FSHR: variants seen among roughly 807,000 people sequenced by gnomAD.
FSHR encodes the protein follicle-stimulating hormone receptor.
FSHR carries 46 observed loss-of-function variants against 52.1 expected under a neutral mutation model. The observed-to-expected ratio is 0.88, with a 90% CI of 0.70 to 1.13. The LOEUF is 1.13. Ranked by LOEUF, FSHR falls within the 50% of genes most tolerant of loss-of-function variation. The pLI is 0.00. For synonymous variants in FSHR, 399 were observed against 309.6 expected, an observed-to-expected ratio of 1.29 and a Z score of -3.03; for missense variants, 964 against 834.6, an observed-to-expected ratio of 1.16 and a Z score of -1.91.
At chr2:49,119,418 T>A (rs1446017775) in intron 1 of FSHR, among the ~76,000 whole-genome samples, 1 of 152,144 alleles carries the variant, frequency 6.6e-6, no homozygotes, top group Admixed American at 6.5e-5. Context: ...TTCATCCTAG[T>A]CATTTTTTCC....
chr2:49,135,031 AATGTGCAC>A (rs1309540861), intron 1 of FSHR, among the ~76,000 whole-genome samples: 3 of 152,270 alleles, frequency 2.0e-5, no homozygotes, highest in African/African-American at 4.8e-5. Context: ...TAACCTGCAC[AATGTGCAC>A]ATGTACCCTA....
chr2:49,038,396 C>T (rs1445427314), intron 2 of FSHR, among the ~76,000 whole-genome samples: 8 of 151,736 alleles, frequency 5.3e-5, no homozygotes, highest in East Asian at 1.9e-4. Context: ...CCAAGGCGGG[C>T]GGATCACGAG....
chr2:48,985,094 T>C (rs1331958649), intron 6 of FSHR, among the ~76,000 whole-genome samples: 2 of 135,912 alleles, frequency 1.5e-5, no homozygotes, highest in Non-Finnish European at 3.2e-5. Context: ...GAAGTACCTA[T>C]TTGAAAACCA....
chr2:49,127,751 T>TTTC (rs1345639633), intron 1 of FSHR, among the ~76,000 whole-genome samples: 887 of 77,322 alleles, frequency 0.011, 34 homozygotes, highest in East Asian at 0.014. Flanking sequence ...CTTCTTCTTC[T>TTTC]TTCTTCTTCT....
intron 1 of FSHR, among the ~76,000 whole-genome samples, chr2:49,074,058 A>G (rs1669856391): frequency 6.6e-6 from 1 of 152,078 alleles, no homozygotes; most frequent in Non-Finnish European, 1.5e-5. Flanking sequence ...TCAGAGACCT[A>G]AATATAAGAC....
chr2:49,088,889 C>A (rs1370268596), intron 1 of FSHR, among the ~76,000 whole-genome samples: 1 of 152,158 alleles, frequency 6.6e-6, no homozygotes, highest in Non-Finnish European at 1.5e-5. Context: ...AAACTAATTT[C>A]TGTATTCTAT....
chr2:49,130,878 C>G (rs1427397845), intron 1 of FSHR, among the ~76,000 whole-genome samples: 1 of 152,114 alleles, frequency 6.6e-6, no homozygotes. Context: ...TAGGTAAAAA[C>G]AAGAAGGGGG....
chr2:48,968,453 T>A (rs752352164), intron 9 of FSHR, among the ~76,000 whole-genome samples: 2 of 152,204 alleles, frequency 1.3e-5, no homozygotes, highest in African/African-American at 2.4e-5. Flanking sequence ...GTTTTCTCAT[T>A]TAGTACTTGG....
chr2:49,131,017 A>G (rs1307513766), intron 1 of FSHR, among the ~76,000 whole-genome samples: 1 of 152,214 alleles, frequency 6.6e-6, no homozygotes, highest in Non-Finnish European at 1.5e-5. Flanking sequence ...TACTTATACC[A>G]TAATGATTAT....
chr2:48,980,175 G>T (rs1675183228), intron 8 of FSHR, among the ~76,000 whole-genome samples: 1 of 152,232 alleles, frequency 6.6e-6, no homozygotes, highest in Admixed American at 6.5e-5. Flanking sequence ...GGGAAAAGAG[G>T]AAATTCGCAA....
intron 1 of FSHR, among the ~76,000 whole-genome samples, chr2:49,082,607 AG>A (rs1670218026): frequency 6.6e-6 from 1 of 152,212 alleles, no homozygotes; most frequent in Non-Finnish European, 1.5e-5. Flanking sequence ...AAAAAAATTT[AG>A]AAGAATGTAT....
At chr2:48,974,152 G>T (rs559346564) in intron 8 of FSHR, among the ~76,000 whole-genome samples, 1 of 152,152 alleles carries the variant, frequency 6.6e-6, no homozygotes, top group Admixed American at 6.5e-5. Context: ...GGAAAATGGT[G>T]CTTCTGCAGC....
intron 1 of FSHR, among the ~76,000 whole-genome samples, chr2:49,135,673 C>G (rs546208304): frequency 6.6e-6 from 1 of 152,082 alleles, no homozygotes; most frequent in Non-Finnish European, 1.5e-5. Context: ...AAAAAATTCA[C>G]GCATAACTTC....
intron 1 of FSHR, among the ~76,000 whole-genome samples, chr2:49,140,791 ATT>A (rs796404361): frequency 6.6e-6 from 1 of 151,572 alleles, no homozygotes; most frequent in African/African-American, 2.4e-5. Flanking sequence ...TAGATCAATA[ATT>A]TTTTTTTCCT....
intron 8 of FSHR, among the ~76,000 whole-genome samples, chr2:48,971,772 T>C (rs1487865520): frequency 6.6e-6 from 1 of 152,242 alleles, no homozygotes; most frequent in Non-Finnish European, 1.5e-5. Context: ...TTGATGACTT[T>C]TTAAGGCTCA....
intron 4 of FSHR, among the ~76,000 whole-genome samples, chr2:48,998,130 T>C (rs1049772870): frequency 6.6e-6 from 1 of 151,414 alleles, no homozygotes; most frequent in Non-Finnish European, 1.5e-5. Flanking sequence ...GACTTATACA[T>C]TTTTTTTTCA....
intron 2 of FSHR, among the ~76,000 whole-genome samples, chr2:49,062,589 AT>A (rs1421341204): frequency 6.6e-6 from 1 of 152,062 alleles, no homozygotes; most frequent in African/African-American, 2.4e-5. Context: ...ATTAAAAAGC[AT>A]CTGTAGAGCA....
At chr2:49,003,722 T>TG (rs1297886609) in intron 4 of FSHR, among the ~76,000 whole-genome samples, 2 of 151,602 alleles carry the variant, frequency 1.3e-5, no homozygotes, top group Non-Finnish European at 2.9e-5. Flanking sequence ...AAAGAAAAAA[T>TG]GAATAATCCT....
At chr2:49,048,091 G>A (rs1009291241) in intron 2 of FSHR, among the ~76,000 whole-genome samples, 15 of 151,972 alleles carry the variant, frequency 9.9e-5, no homozygotes, top group African/African-American at 3.6e-4. Flanking sequence ...TCATCATGTT[G>A]GCCAGGCTGG....
Sources: allele counts gnomAD v4.1 joint callset (sites outside exome capture counted in the v4.1 genomes callset), GRCh38; gene constraint gnomAD v4.1.1; transcripts MANE v1.5; gene names NCBI Gene and HGNC (gene_info 2026-07-23, HGNC 2026-07-21).